Variants in GLT8D2 observed in about 807,000 individuals in gnomAD.
GLT8D2 encodes glycosyltransferase 8 domain-containing protein 2.
A neutral mutation model predicts 44.5 loss-of-function variants in GLT8D2; 45 were observed. The ratio of observed to expected loss-of-function variants is 1.01; its 90% confidence interval spans 0.80 to 1.30. The LOEUF (loss-of-function observed/expected upper bound fraction) is 1.30. GLT8D2 is among the 50% of genes most tolerant of loss of function. The probability of loss-of-function intolerance (pLI) is 0.00; values close to 1 mark genes in which losing one functional copy is unlikely to be tolerated. For missense variants in GLT8D2, 400 were observed against 430.4 expected (o/e 0.93, Z 0.62); for synonymous variants, 156 against 157.2 (o/e 0.99, Z 0.06).
At chr12:104,028,301 T>C (rs960690109) in intron 1 of GLT8D2, among the ~76,000 whole-genome samples, 6 of 152,158 alleles carry the variant, frequency 3.9e-5, no homozygotes, top group African/African-American at 7.2e-5. Flanking sequence ...CATGTGCGTG[T>C]GTGTGTGTGT....
chr12:104,035,974 G>C (rs1393437511), intron 1 of GLT8D2, among the ~76,000 whole-genome samples: 1 of 152,200 alleles, frequency 6.6e-6, no homozygotes, highest in Non-Finnish European at 1.5e-5. Context: ...AGATCTCTCA[G>C]CAGAAACTCT....
At chr12:103,999,554 A>G (rs769310467) in intron 5 of GLT8D2, 40 bp from the exon 6 acceptor site, 18 of 1,212,168 alleles carry the variant, frequency 1.5e-5, no homozygotes, top group African/African-American at 3.0e-5. Context: ...ATACCCTTCA[A>G]TTCTTTCCTC....
intron 6 of GLT8D2, among the ~76,000 whole-genome samples, chr12:103,998,416 A>AT (rs939165836): frequency 3.4e-4 from 51 of 148,224 alleles, no homozygotes; most frequent in African/African-American, 8.2e-4. Flanking sequence ...TTAAAAAAAA[A>AT]TTTTTTTTTT....
At chr12:103,991,792 A>G (rs1365308956) in intron 10 of GLT8D2, among the ~76,000 whole-genome samples, 1 of 150,228 alleles carries the variant, frequency 6.7e-6, no homozygotes, top group Non-Finnish European at 1.5e-5. Flanking sequence ...TCGAGAGCAT[A>G]CAGGAACTCA....
intron 5 of GLT8D2, among the ~76,000 whole-genome samples, chr12:104,000,262 A>T (rs1874023632): frequency 6.6e-6 from 1 of 152,210 alleles, no homozygotes; most frequent in Non-Finnish European, 1.5e-5. Flanking sequence ...AAAAAGATAG[A>T]CTAACAGCAA....
chr12:104,051,498 C>T (rs141435155), upstream of GLT8D2, among the ~76,000 whole-genome samples: 516 of 152,166 alleles, frequency 3.4e-3, 5 homozygotes, highest in Non-Finnish European at 2.5e-3. Flanking sequence ...TGTACATATT[C>T]ATGGGGTACA....
intron 6 of GLT8D2, among the ~76,000 whole-genome samples, chr12:103,998,469 G>C (rs1471025826): frequency 6.6e-6 from 1 of 151,888 alleles, no homozygotes; most frequent in Non-Finnish European, 1.5e-5. Flanking sequence ...GAGTGCAATA[G>C]TGCAATCTTG....
chr12:104,035,469 C>T (rs140927383), intron 1 of GLT8D2, among the ~76,000 whole-genome samples: 81 of 152,238 alleles, frequency 5.3e-4, no homozygotes, highest in African/African-American at 1.8e-3. Flanking sequence ...TACAGAGGAC[C>T]TTAAATGACC....
Position 104,021,912 on chromosome 12 carries a change from GAAGAAGAAGAAGAA to G in GLT8D2, c.-163-435_-163-422del, listed in dbSNP as rs1566202256. Among the ~76,000 whole-genome samples the G allele has an allele frequency of 1.1e-3, 18 of 16,362 alleles. No individual in the cohort carries two copies. The East Asian group carries it at 0.019, about 18-fold the overall frequency. The allele number at this position is 16,362 out of a possible 152,430, so 10.7% of individuals were successfully genotyped here. A position where few individuals can be genotyped will look rare whatever the true frequency, so the allele number is the denominator to read the frequency against. On this transcript the variant is annotated intron_variant, in intron 1 of 10. Transcript: ENST00000360814. ...AGAAGAAGAAGAAGAAGAAGAAGAA[GAAGAAGAAGAAGAA>G]GAAGAAGAAGAAGAAGAAGAAGAAG... is the stretch of plus-strand genomic sequence containing the variant.
intron 1 of GLT8D2, among the ~76,000 whole-genome samples, chr12:104,042,050 C>T (rs1177599478): frequency 6.6e-6 from 1 of 152,228 alleles, no homozygotes; most frequent in Non-Finnish European, 1.5e-5. Flanking sequence ...GTGTGGCAGC[C>T]TTGATAGCTG....
intron 6 of GLT8D2, among the ~76,000 whole-genome samples, chr12:103,998,609 T>C (rs1481540481): frequency 1.3e-5 from 2 of 152,016 alleles, no homozygotes; most frequent in Non-Finnish European, 2.9e-5. Context: ...GGGGTTTCAC[T>C]ATGTTGGCCA....
chr12:103,997,208 G>A (rs1039840483), intron 7 of GLT8D2, among the ~76,000 whole-genome samples: 4 of 152,116 alleles, frequency 2.6e-5, no homozygotes, highest in Non-Finnish European at 5.9e-5. Flanking sequence ...AGGCATACAG[G>A]GAAAGGAAAG....
intron 9 of GLT8D2, 174 bp downstream of exon 9, chr12:103,994,161 T>G: frequency 2.0e-6 from 1 of 494,680 alleles, no homozygotes; most frequent in Non-Finnish European, 3.5e-6. Flanking sequence ...ATTTATATCT[T>G]TTGAGGAAAG....
At chr12:104,044,280 TC>T (rs1406221030) in intron 1 of GLT8D2, among the ~76,000 whole-genome samples, 2 of 151,954 alleles carry the variant, frequency 1.3e-5, no homozygotes, top group African/African-American at 4.8e-5. Flanking sequence ...ACAAATTGCA[TC>T]CCCTCAGCAA....
At chr12:104,056,700 A>G (rs916593707) in intron 1 of GLT8D2, among the ~76,000 whole-genome samples, 2 of 152,246 alleles carry the variant, frequency 1.3e-5, no homozygotes, top group African/African-American at 4.8e-5. Flanking sequence ...TTACCACAGT[A>G]TATTCACTGT....
intron 1 of GLT8D2, among the ~76,000 whole-genome samples, chr12:104,032,574 T>C (rs1879425769): frequency 6.7e-6 from 1 of 149,350 alleles, no homozygotes; most frequent in Admixed American, 6.6e-5. Flanking sequence ...TAAACATCAC[T>C]AATAATCAGG....
chr12:104,036,859 C>A, intron 1 of GLT8D2, among the ~76,000 whole-genome samples: 1 of 152,204 alleles, frequency 6.6e-6, no homozygotes, highest in East Asian at 1.9e-4. Context: ...ACAGAATATA[C>A]ATTTTTCTCA....
intron 5 of GLT8D2, among the ~76,000 whole-genome samples, chr12:104,000,594 T>G: frequency 6.6e-6 from 1 of 152,196 alleles, no homozygotes; most frequent in South Asian, 2.1e-4. Flanking sequence ...CAGCAAGAAC[T>G]GGGAAATAGC....
chr12:104,000,795 G>A (rs554427716), intron 5 of GLT8D2, among the ~76,000 whole-genome samples: 3 of 152,288 alleles, frequency 2.0e-5, no homozygotes, highest in African/African-American at 7.2e-5. Flanking sequence ...TGAGAAATGA[G>A]ACAGAAAATC....
Sources: allele counts gnomAD v4.1 joint callset (sites outside exome capture counted in the v4.1 genomes callset), GRCh38; gene constraint gnomAD v4.1.1; transcripts MANE v1.5; gene names NCBI Gene and HGNC (gene_info 2026-07-23, HGNC 2026-07-21).